CCSER1: variants seen among roughly 807,000 people sequenced by gnomAD.
CCSER1 encodes coiled-coil serine rich protein 1.
CCSER1 carries 41 observed loss-of-function variants against 82.0 expected under a neutral mutation model. That is an observed-to-expected ratio of 0.50 (90% CI 0.39 to 0.65). CCSER1 has a LOEUF of 0.65. Ranked by LOEUF, CCSER1 falls within the 30% of genes least tolerant of loss-of-function variation. The probability of loss-of-function intolerance (pLI) is 0.00; values close to 1 mark genes in which losing one functional copy is unlikely to be tolerated. For synonymous variants in CCSER1, 414 were observed against 383.9 expected (o/e 1.08, Z -0.92); for missense variants, 1,119 against 1,064.2 (o/e 1.05, Z -0.72).
intron 4 of CCSER1, among the ~76,000 whole-genome samples, chr4:90,402,100 T>C (rs1343120791): frequency 6.6e-6 from 1 of 152,018 alleles, no homozygotes; most frequent in African/African-American, 2.4e-5. Context: ...TTGGAATGGG[T>C]GGAGGGAAAA....
In CCSER1 at chr4:90,514,692, G is replaced by T. The variant is rs528516084; in HGVS notation, c.1724+46338G>T. Among the ~76,000 whole-genome samples the T allele has an allele frequency of 5.3e-5, 8 of 152,100 alleles. No homozygotes were observed. In the South Asian group the frequency reaches 1.7e-3, roughly 32 times the overall value. On this transcript the variant is annotated intron_variant, in intron 5 of 10. Transcript: ENST00000509176. ...AATCACTTGAACGCAGGAGGCGGAG[G>T]TTACAGTGAGCTGGGATCGTGCCAC...
At chr4:91,486,581 C>A (rs993028208) in intron 10 of CCSER1, among the ~76,000 whole-genome samples, 2 of 152,034 alleles carry the variant, frequency 1.3e-5, no homozygotes, top group African/African-American at 4.8e-5. Context: ...CACAGATTCA[C>A]TCAATCATGG....
At chr4:91,302,416 C>T (rs546517272) in intron 10 of CCSER1, among the ~76,000 whole-genome samples, 19 of 152,140 alleles carry the variant, frequency 1.2e-4, no homozygotes, top group African/African-American at 4.1e-4. Context: ...ATTTCTACTG[C>T]ATCTACTTTC....
At chr4:91,221,105 G>A (rs1737706731) in intron 10 of CCSER1, among the ~76,000 whole-genome samples, 1 of 151,886 alleles carries the variant, frequency 6.6e-6, no homozygotes. Context: ...TGGAAGGATG[G>A]CCTCATGTTA....
intron 9 of CCSER1, among the ~76,000 whole-genome samples, chr4:90,972,447 C>T (rs1305307709): frequency 1.3e-5 from 2 of 151,408 alleles, no homozygotes; most frequent in Admixed American, 6.6e-5. Flanking sequence ...ATAAAAAAAA[C>T]TTAAGAATAA....
chr4:91,050,163 G>T (rs1742867535), intron 9 of CCSER1, among the ~76,000 whole-genome samples: 1 of 152,174 alleles, frequency 6.6e-6, no homozygotes, highest in South Asian at 2.1e-4. Flanking sequence ...AGGAGTGGTG[G>T]CTCCAGCCTG....
At chr4:90,873,500 T>C (rs1766824828) in intron 8 of CCSER1, among the ~76,000 whole-genome samples, 1 of 152,094 alleles carries the variant, frequency 6.6e-6, no homozygotes, top group South Asian at 2.1e-4. Flanking sequence ...CTTGTAAATA[T>C]GAAACCAAAA....
chr4:90,528,979 C>A (rs530895837), intron 5 of CCSER1, among the ~76,000 whole-genome samples: 6 of 151,746 alleles, frequency 4.0e-5, no homozygotes, highest in Non-Finnish European at 8.8e-5. Flanking sequence ...GTATACTGGA[C>A]AGCTAAACAT....
chr4:90,519,798 T>C (rs1012154471), intron 5 of CCSER1, among the ~76,000 whole-genome samples: 6 of 152,140 alleles, frequency 3.9e-5, no homozygotes, highest in African/African-American at 1.2e-4. Flanking sequence ...AAAAGATCAT[T>C]TACATTTCAT....
chr4:91,364,116 G>C (rs1417509868), intron 10 of CCSER1, among the ~76,000 whole-genome samples: 1 of 152,060 alleles, frequency 6.6e-6, no homozygotes, highest in Non-Finnish European at 1.5e-5. Context: ...GAATGTTATA[G>C]TCAATGGCAA....
At chr4:90,404,315 G>A (rs115343628) in intron 4 of CCSER1, among the ~76,000 whole-genome samples, 3,548 of 152,146 alleles carry the variant, frequency 0.023, 148 homozygotes, top group African/African-American at 0.081. Flanking sequence ...AGCAAGACCC[G>A]CTGCCCAAGG....
chr4:91,568,251 GC>G (rs1172351784), intron 10 of CCSER1, among the ~76,000 whole-genome samples: 2 of 152,174 alleles, frequency 1.3e-5, no homozygotes, highest in Non-Finnish European at 2.9e-5. Context: ...TAGGTGACCT[GC>G]CCTTTCTTTC....
chr4:90,861,943 G>A (rs1765158683), intron 8 of CCSER1, among the ~76,000 whole-genome samples: 1 of 132,492 alleles, frequency 7.5e-6, no homozygotes, highest in Non-Finnish European at 1.6e-5. Flanking sequence ...TTTTCTGTTA[G>A]ACTAGTGTTG....
intron 10 of CCSER1, among the ~76,000 whole-genome samples, chr4:91,291,178 T>A (rs945861638): frequency 6.6e-6 from 1 of 151,918 alleles, no homozygotes; most frequent in Non-Finnish European, 1.5e-5. Context: ...TTATTAAAGC[T>A]TGCAGATAGG....
intron 10 of CCSER1, among the ~76,000 whole-genome samples, chr4:91,262,848 A>T (rs921738026): frequency 2.1e-5 from 3 of 141,938 alleles, no homozygotes; most frequent in African/African-American, 8.4e-5. Flanking sequence ...GGCTCTTATC[A>T]TATGAAAAAA....
At chr4:91,205,981 A>G (rs1463056822) in intron 10 of CCSER1, among the ~76,000 whole-genome samples, 1 of 151,874 alleles carries the variant, frequency 6.6e-6, no homozygotes, top group Non-Finnish European at 1.5e-5. Context: ...ATCTTACAAT[A>G]TGAGAAGTGC....
chr4:91,000,396 G>A (rs1737927949), intron 9 of CCSER1, among the ~76,000 whole-genome samples: 1 of 151,292 alleles, frequency 6.6e-6, no homozygotes, highest in African/African-American at 2.4e-5. Flanking sequence ...GGATTGCTTT[G>A]GCTATTCTTG....
chr4:91,004,115 A>G (rs938548693), intron 9 of CCSER1, among the ~76,000 whole-genome samples: 2 of 152,008 alleles, frequency 1.3e-5, no homozygotes, highest in Non-Finnish European at 2.9e-5. Flanking sequence ...TCCTTCGGAG[A>G]GTCTGTGGGT....
Position 90,179,231 on chromosome 4 carries a change from G to A in CCSER1, c.-42+51400G>A, listed in dbSNP as rs1733264062. 2.1e-5 allele frequency among the ~76,000 whole-genome samples: 3 copies of A among 143,096 alleles called. 1 individual carries two copies. The South Asian group carries it at 6.7e-4, about 32-fold the overall frequency. 93.9% of individuals were successfully genotyped at this position (143,096 alleles called of 152,430 possible). A position where few individuals can be genotyped will look rare whatever the true frequency, so the allele number is the denominator to read the frequency against. On this transcript the variant is annotated intron_variant, in intron 1 of 10. Transcript: ENST00000509176. ...GCTCTTGATATTGTGTGTTTAAGAA[G>A]GAAAATGTAAAGTTAAAGAAGAAGA...
Sources: allele counts gnomAD v4.1 joint callset (sites outside exome capture counted in the v4.1 genomes callset), GRCh38; gene constraint gnomAD v4.1.1; transcripts MANE v1.5; gene names NCBI Gene and HGNC (gene_info 2026-07-23, HGNC 2026-07-21).